IGSF10: variants seen among roughly 807,000 people sequenced by gnomAD.
IGSF10 encodes immunoglobulin superfamily member 10, also known as calvaria mechanical force protein 608.
Under a neutral mutation model 128.2 loss-of-function variants are expected in IGSF10, and 126 were observed. The ratio of observed to expected loss-of-function variants is 0.98; its 90% CI spans 0.85 to 1.14. The LOEUF is 1.14. IGSF10 is among the 50% of genes most tolerant of loss of function. IGSF10 has a pLI of 0.00. For synonymous variants in IGSF10, 1,185 were observed against 1,146.2 expected, an observed-to-expected ratio of 1.03 and a Z score of -0.68; for missense variants, 3,295 against 3,149.8, an observed-to-expected ratio of 1.05 and a Z score of -1.10.
At chr3:151,607,174 G>A in the IGSF10 span, among the ~76,000 whole-genome samples, 13 of 152,298 alleles carry the variant, frequency 8.5e-5, no homozygotes, top group African/African-American at 2.9e-4. Context: ...AATCGTAAAT[G>A]AAAGCTTTAT....
the IGSF10 span, among the ~76,000 whole-genome samples, chr3:151,486,469 A>G: frequency 6.6e-6 from 1 of 152,234 alleles, no homozygotes; most frequent in East Asian, 1.9e-4. Context: ...AGCAGACCTA[A>G]TAGACATCTA....
At chr3:151,479,598 C>T in the IGSF10 span, among the ~76,000 whole-genome samples, 122,954 of 152,132 alleles carry the variant, frequency 0.81, 49,754 homozygotes, top group Middle Eastern at 0.92. Context: ...AATTCACCAG[C>T]GAGCACAGTG....
At chr3:151,502,145 C>T in the IGSF10 span, among the ~76,000 whole-genome samples, 20 of 152,132 alleles carry the variant, frequency 1.3e-4, no homozygotes, top group Middle Eastern at 3.4e-3. Context: ...CACGTTTCTA[C>T]GGAACCAAGT....
At chr3:151,582,294 G>GC in the IGSF10 span, among the ~76,000 whole-genome samples, 3 of 114,296 alleles carry the variant, frequency 2.6e-5, no homozygotes, top group African/African-American at 1.0e-4. Flanking sequence ...AAAATATCCG[G>GC]GGGGGGGGGC....
the IGSF10 span, among the ~76,000 whole-genome samples, chr3:151,548,057 G>A: frequency 6.6e-6 from 1 of 152,096 alleles, no homozygotes; most frequent in East Asian, 1.9e-4. Context: ...CCTTCCCTTT[G>A]AATCTGCATG....
In IGSF10 at chr3:151,437,053, T is replaced by C; in HGVS notation, c.7508A>G (p.Asn2503Ser). Residue 2503 changes from asparagine (N) to serine (S), a missense_variant, in exon 8 of 8, where the codon AAC becomes AGC. Physicochemically the swap from Asn to Ser is conservative, Grantham distance 46 (BLOSUM62 1). Coordinates refer to ENST00000282466, the MANE Select transcript of IGSF10 (RefSeq NM_178822.5). ...IKEATAYDRG[N>S]YICKAQNSVG... ...ACTATTTTGAGCCTTACAGATATAG[T>C]TTCCTCTGTCATAAGCTGTTGCTTC... 1.2e-6 allele frequency: 2 copies of C among 1,614,190 alleles called. No homozygotes were observed. Among genetic ancestry groups the C allele is most frequent in the African/African-American group, 1.3e-5 (1 of 75,064 alleles).
the IGSF10 span, among the ~76,000 whole-genome samples, chr3:151,497,999 C>T: frequency 6.6e-6 from 1 of 152,152 alleles, no homozygotes; most frequent in African/African-American, 2.4e-5. Context: ...TATAAGAATG[C>T]TTGTGATTTT....
At chr3:151,591,765 G>T in the IGSF10 span, among the ~76,000 whole-genome samples, 2 of 152,020 alleles carry the variant, frequency 1.3e-5, no homozygotes, top group African/African-American at 4.8e-5. Flanking sequence ...TATAAGATTG[G>T]CTATGAAGTC....
At chr3:151,531,016 A>G in the IGSF10 span, among the ~76,000 whole-genome samples, 1 of 152,152 alleles carries the variant, frequency 6.6e-6, no homozygotes, top group African/African-American at 2.4e-5. Context: ...AATGGGAAGC[A>G]AAAAAAGGCA....
At chr3:151,508,399 TTAA>T in the IGSF10 span, among the ~76,000 whole-genome samples, 3 of 152,070 alleles carry the variant, frequency 2.0e-5, no homozygotes, top group Non-Finnish European at 2.9e-5. Flanking sequence ...TTGTGTAGCA[TTAA>T]TAAGACAAAG....
the IGSF10 span, among the ~76,000 whole-genome samples, chr3:151,562,437 C>A: frequency 6.6e-6 from 1 of 152,106 alleles, no homozygotes; most frequent in African/African-American, 2.4e-5. Context: ...CTTGCTTTCA[C>A]TTAACCCTAT....
the IGSF10 span, among the ~76,000 whole-genome samples, chr3:151,552,973 G>A: frequency 8.6e-5 from 13 of 152,044 alleles, no homozygotes; most frequent in Non-Finnish European, 1.2e-4. Flanking sequence ...ATGAATCCAA[G>A]TGATGACTCC....
chr3:151,557,478 C>T, the IGSF10 span, among the ~76,000 whole-genome samples: 32 of 152,056 alleles, frequency 2.1e-4, no homozygotes, highest in African/African-American at 6.8e-4. Flanking sequence ...TTTAGTTAGA[C>T]GGAGGAGCCT....
chr3:151,564,317 A>T, the IGSF10 span, among the ~76,000 whole-genome samples: 3 of 151,812 alleles, frequency 2.0e-5, no homozygotes, highest in Admixed American at 1.3e-4. Flanking sequence ...TTTATATTTG[A>T]CTTTTTTTTT....
At chr3:151,523,158 A>C in the IGSF10 span, among the ~76,000 whole-genome samples, 3 of 152,296 alleles carry the variant, frequency 2.0e-5, no homozygotes, top group East Asian at 5.8e-4. Context: ...TGCTCAAATA[A>C]TTTAGAGATG....
At chr3:151,469,242 G>C in the IGSF10 span, among the ~76,000 whole-genome samples, 5 of 152,084 alleles carry the variant, frequency 3.3e-5, no homozygotes, top group Non-Finnish European at 7.4e-5. Flanking sequence ...ACATTCCTTT[G>C]GGTATATACC....
the IGSF10 span, among the ~76,000 whole-genome samples, chr3:151,475,518 C>T: frequency 5.3e-5 from 8 of 152,278 alleles, no homozygotes; most frequent in East Asian, 1.5e-3. Flanking sequence ...AACATTTGGC[C>T]TATCCTAGCA....
chr3:151,614,280 A>C, the IGSF10 span, among the ~76,000 whole-genome samples: 1 of 152,224 alleles, frequency 6.6e-6, no homozygotes, highest in Non-Finnish European at 1.5e-5. Flanking sequence ...TCAGGGATCT[A>C]GAACTAGAAA....
the IGSF10 span, among the ~76,000 whole-genome samples, chr3:151,573,383 A>G: frequency 3.9e-5 from 6 of 152,146 alleles, no homozygotes; most frequent in Admixed American, 3.9e-4. Context: ...GTAGGTCTCT[A>G]AGGTCTTGCT....
Sources: gnomAD v4.1 joint callset for allele counts (sites outside exome capture counted in the v4.1 genomes callset) on GRCh38, gnomAD v4.1.1 for gene constraint, MANE v1.5 for transcripts, NCBI Gene and HGNC (gene_info 2026-07-23, HGNC 2026-07-21) for gene names.